Variants in ZFP1 observed in about 807,000 individuals in gnomAD.
ZFP1 encodes the protein zinc finger protein 1 homolog.
A neutral mutation model predicts 38.5 loss-of-function variants in ZFP1; 32 were observed. The observed-to-expected ratio is 0.83, with a 90% CI of 0.63 to 1.12. The LOEUF is 1.12. ZFP1 is among the 50% of genes most tolerant of loss of function. The probability of loss-of-function intolerance (pLI) is 0.00; values close to 1 mark genes in which losing one functional copy is unlikely to be tolerated. For missense variants in ZFP1, 616 were observed against 480.8 expected, an observed-to-expected ratio of 1.28 and a Z score of -2.63; for synonymous variants, 245 against 168.8, an observed-to-expected ratio of 1.45 and a Z score of -3.50.
chr16:75,159,384 CCTT>C (rs796658491), intron 2 of ZFP1, among the ~76,000 whole-genome samples: 120 of 8,174 alleles, frequency 0.015, no homozygotes, highest in Non-Finnish European at 0.041. Context: ...TCCCTTCCTT[CCTT>C]TCTCTCTCTC....
At chr16:75,164,214 T>C (rs1202503179) in intron 2 of ZFP1, among the ~76,000 whole-genome samples, 1 of 152,232 alleles carries the variant, frequency 6.6e-6, no homozygotes, top group East Asian at 1.9e-4. Context: ...GTAAAAATTA[T>C]ATGTAGGTTT....
intron 1 of ZFP1, among the ~76,000 whole-genome samples, chr16:75,152,508 C>T (rs2037256328): frequency 1.3e-5 from 2 of 152,210 alleles, no homozygotes; most frequent in Non-Finnish European, 2.9e-5. Context: ...CTTTTCTTAG[C>T]ATTTCCATTT....
intron 1 of ZFP1, among the ~76,000 whole-genome samples, chr16:75,149,807 C>CTGT (rs541688011): frequency 6.6e-5 from 10 of 151,252 alleles, no homozygotes; most frequent in Admixed American, 6.6e-4. Context: ...ATTTTCTTTT[C>CTGT]TGTTGTTGTT....
In ZFP1 at chr16:75,170,207, C is replaced by T; in HGVS notation, c.1097C>T (p.Thr366Ile). ...ECGKTFSQRS[T>I]LRLHLRIHTG... ...GGCAAAACTTTCAGCCAGAGGTCAA[C>T]TCTTAGATTACACTTGCGAATCCAC... Residue 366 changes from threonine (T) to isoleucine (I), a missense_variant, in exon 4 of 4, where the codon ACT (threonine) becomes ATT (isoleucine). By Grantham distance (89) the Thr-to-Ile change is moderately conservative. Coordinates refer to ENST00000570010, the MANE Select transcript of ZFP1 (RefSeq NM_153688.4). 1 of 1,614,080 alleles carries T rather than the reference C, an allele frequency of 6.2e-7. No homozygotes were observed. The highest frequency in any genetic ancestry group is 1.7e-5 in the Admixed American group (1 of 60,014).
At chr16:75,123,096 G>A in the ZFP1 span, among the ~76,000 whole-genome samples, 1 of 152,004 alleles carries the variant, frequency 6.6e-6, no homozygotes, top group Non-Finnish European at 1.5e-5. Context: ...GCTCACACCT[G>A]TAATCCCAGC....
upstream of ZFP1, among the ~76,000 whole-genome samples, chr16:75,148,043 A>C (rs2036978134): frequency 6.6e-6 from 1 of 152,196 alleles, no homozygotes; most frequent in South Asian, 2.1e-4. Flanking sequence ...TATATACCTC[A>C]ACAAAGTGGC....
the ZFP1 span, among the ~76,000 whole-genome samples, chr16:75,123,453 A>ATGTATG: frequency 6.5e-5 from 7 of 107,352 alleles, no homozygotes; most frequent in Non-Finnish European, 1.3e-4. Flanking sequence ...GTGTGTGTAT[A>ATGTATG]TGTATATATA....
chr16:75,162,280 G>A (rs2037827438), intron 2 of ZFP1, among the ~76,000 whole-genome samples: 2 of 151,516 alleles, frequency 1.3e-5, no homozygotes, highest in African/African-American at 4.9e-5. Flanking sequence ...GCACCATCAA[G>A]CTGGGCTTTT....
chr16:75,146,675 A>T (rs2036949550), upstream of ZFP1, among the ~76,000 whole-genome samples: 2 of 152,176 alleles, frequency 1.3e-5, no homozygotes, highest in Non-Finnish European at 2.9e-5. Context: ...ACAGTGGCTC[A>T]TCCCTATAAT....
intron 2 of ZFP1, among the ~76,000 whole-genome samples, chr16:75,154,983 G>C (rs1238620962): frequency 1.3e-5 from 2 of 151,956 alleles, no homozygotes; most frequent in Non-Finnish European, 2.9e-5. Flanking sequence ...ATTTTTAGTA[G>C]AGATGGGGTT....
chr16:75,131,101 T>C, the ZFP1 span, among the ~76,000 whole-genome samples: 1 of 152,194 alleles, frequency 6.6e-6, no homozygotes, highest in Non-Finnish European at 1.5e-5. Context: ...CCAGGCTTGC[T>C]CTTGACACAC....
chr16:75,123,455 GTATATATATATA>G, the ZFP1 span, among the ~76,000 whole-genome samples: 11,053 of 87,132 alleles, frequency 0.13, 903 homozygotes, highest in South Asian at 0.22. Context: ...GTGTGTATAT[GTATATATATATA>G]TATATATATA....
chr16:75,142,201 CAA>C, the ZFP1 span, among the ~76,000 whole-genome samples: 10,086 of 109,884 alleles, frequency 0.092, 1,190 homozygotes, highest in African/African-American at 0.29. Context: ...ACTAAAAATA[CAA>C]AAAAAAAAAA....
chr16:75,151,775 C>A (rs201255195), intron 1 of ZFP1, among the ~76,000 whole-genome samples: 1 of 151,832 alleles, frequency 6.6e-6, no homozygotes, highest in Non-Finnish European at 1.5e-5. Context: ...TAACGATTCT[C>A]GAGATTTTCA....
At chr16:75,150,267 A>G (rs1482509094) in intron 1 of ZFP1, among the ~76,000 whole-genome samples, 1 of 143,564 alleles carries the variant, frequency 7.0e-6, no homozygotes, top group Non-Finnish European at 1.5e-5. Flanking sequence ...GGAGTGCAGT[A>G]GCGAGATCTC....
Position 75,152,936 on chromosome 16 carries a change from C to T in ZFP1, c.-16C>T, listed in dbSNP as rs1265638896. The T allele has an allele frequency of 1.2e-6, 2 of 1,613,504 alleles. No homozygotes were observed. The highest frequency in any genetic ancestry group is 2.7e-5 in the African/African-American group (2 of 74,876). Reference sequence around the variant, plus strand: ...CTGCCTTCATAGTTCTCTGCCTTTGCCCAAAACTGCAGAAAATGAACAAAT... The same window carrying T: ...CTGCCTTCATAGTTCTCTGCCTTTGTCCAAAACTGCAGAAAATGAACAAAT... On this transcript the variant is annotated 5_prime_UTR_variant, in exon 2 of 4. Coordinates refer to ENST00000570010, the MANE Select transcript of ZFP1 (RefSeq NM_153688.4).
At chr16:75,167,018 CCTGAGAGAT>C in intron 3 of ZFP1, 122 bp downstream of exon 3, 1 of 1,491,096 alleles carries the variant, frequency 6.7e-7, no homozygotes, top group Admixed American at 2.3e-5. Context: ...AGGTATTAAA[CCTGAGAGAT>C]CTTGCAGCCT....
intron 2 of ZFP1, among the ~76,000 whole-genome samples, chr16:75,159,450 A>G (rs1286705815): frequency 7.8e-6 from 1 of 128,424 alleles, no homozygotes; most frequent in Non-Finnish European, 1.6e-5. Context: ...GGTTACCCCC[A>G]GACTGGGGTA....
intron 2 of ZFP1, among the ~76,000 whole-genome samples, chr16:75,158,014 C>T (rs1219003853): frequency 6.6e-6 from 1 of 151,940 alleles, no homozygotes; most frequent in Non-Finnish European, 1.5e-5. Flanking sequence ...TCTCAAACCC[C>T]TAGGCTTACG....
Sources: allele counts gnomAD v4.1 joint callset (sites outside exome capture counted in the v4.1 genomes callset), GRCh38; gene constraint gnomAD v4.1.1; transcripts MANE v1.5; gene names NCBI Gene and HGNC (gene_info 2026-07-23, HGNC 2026-07-21).